Variants in UNC13C observed in about 807,000 individuals in gnomAD.
The protein encoded by UNC13C is protein unc-13 homolog C.
Under a neutral mutation model 245.4 loss-of-function variants are expected in UNC13C, and 174 were observed. That is an observed-to-expected ratio of 0.71 (90% CI 0.63 to 0.80). UNC13C has a LOEUF of 0.80. Ranked by LOEUF, UNC13C falls within the 30% of genes least tolerant of loss-of-function variation. The probability of loss-of-function intolerance (pLI) is 0.00; values close to 1 mark genes in which losing one functional copy is unlikely to be tolerated. For synonymous variants in UNC13C, 992 were observed against 895.1 expected (o/e 1.11, Z -1.93); for missense variants, 2,829 against 2,602.9 (o/e 1.09, Z -1.89).
intron 10 of UNC13C, among the ~76,000 whole-genome samples, chr15:54,289,791 G>A (rs1596153162): frequency 6.6e-6 from 1 of 151,948 alleles, no homozygotes; most frequent in Non-Finnish European, 1.5e-5. Flanking sequence ...GTACTACATA[G>A]CATCCACTGT....
At chr15:54,399,370 C>T (rs2040135034) in intron 18 of UNC13C, among the ~76,000 whole-genome samples, 1 of 151,540 alleles carries the variant, frequency 6.6e-6, no homozygotes, top group Admixed American at 6.6e-5. Context: ...GCTATATGTG[C>T]CTAAAAGTAA....
intron 2 of UNC13C, among the ~76,000 whole-genome samples, chr15:54,061,869 G>A (rs1897852800): frequency 6.6e-6 from 1 of 152,172 alleles, no homozygotes; most frequent in South Asian, 2.1e-4. Flanking sequence ...TTCTTAGCAT[G>A]GGTATGTCAG....
At position 54,494,622 on chromosome 15, in the gene UNC13C, C is replaced by A; in HGVS notation, c.4948C>A (p.Arg1650=). ...ATCTGTTATAGAACATGAAAATCAG[C>A]GGTTATGCAAGAGCACCGATTATAT... is the stretch of plus-strand genomic sequence containing the variant. ...KYALEEHENQ[R]LCKSTDYMNL... Residue 1650 remains arginine (R), a synonymous_variant, in exon 20 of 33, where the codon CGG becomes AGG. Transcript: ENST00000260323. The A allele has an allele frequency of 1.2e-6, 2 of 1,606,342 alleles. No individual in the cohort carries two copies. The highest frequency in any genetic ancestry group is 8.5e-7 in the Non-Finnish European group (1 of 1,176,696).
chr15:54,254,687 G>A (rs1041007968), intron 8 of UNC13C, among the ~76,000 whole-genome samples: 12 of 152,206 alleles, frequency 7.9e-5, no homozygotes, highest in Admixed American at 3.3e-4. Flanking sequence ...AGGATCAAGC[G>A]AATAGCGTAA....
chr15:54,615,648 T>C (rs1376487147), intron 30 of UNC13C, among the ~76,000 whole-genome samples: 3 of 152,192 alleles, frequency 2.0e-5, no homozygotes, highest in Non-Finnish European at 2.9e-5. Context: ...AAATAGATAA[T>C]GACTGTCTAC....
chr15:54,056,186 A>G (rs1301073466), intron 2 of UNC13C, among the ~76,000 whole-genome samples: 1 of 152,162 alleles, frequency 6.6e-6, no homozygotes, highest in African/African-American at 2.4e-5. Context: ...AGTTTGAACC[A>G]ATGGCAAAGA....
intron 16 of UNC13C, among the ~76,000 whole-genome samples, chr15:54,337,156 G>A (rs764688706): frequency 6.6e-6 from 1 of 152,068 alleles, no homozygotes; most frequent in Non-Finnish European, 1.5e-5. Context: ...TTGGGAGCAG[G>A]GTGGGGGGTA....
chr15:53,935,524 T>G, the UNC13C span, among the ~76,000 whole-genome samples: 1 of 152,246 alleles, frequency 6.6e-6, no homozygotes, highest in South Asian at 2.1e-4. Flanking sequence ...TTAGTACATT[T>G]TGGCCAAGAT....
intron 1 of UNC13C, among the ~76,000 whole-genome samples, chr15:53,990,399 C>T (rs918103875): frequency 2.0e-5 from 3 of 152,018 alleles, no homozygotes; most frequent in African/African-American, 7.2e-5. Context: ...TGAAGGGGCT[C>T]TTCTGTCTTG....
chr15:54,352,427 G>C (rs2039005574), intron 17 of UNC13C, among the ~76,000 whole-genome samples: 1 of 150,488 alleles, frequency 6.6e-6, no homozygotes, highest in Admixed American at 6.6e-5. Flanking sequence ...TTCATCACCA[G>C]CAACAAAATC....
chr15:54,313,127 G>T (rs1211337506), intron 13 of UNC13C, among the ~76,000 whole-genome samples: 1 of 151,692 alleles, frequency 6.6e-6, no homozygotes, highest in African/African-American at 2.4e-5. Context: ...TTTCTAAGAG[G>T]AATACTGGCC....
chr15:54,026,979 A>G (rs896637775), intron 2 of UNC13C, among the ~76,000 whole-genome samples: 4 of 152,168 alleles, frequency 2.6e-5, no homozygotes, highest in African/African-American at 7.2e-5. Context: ...AAGAAAATCC[A>G]AAGTGTTAAG....
chr15:54,569,945 A>T (rs1470314592), intron 30 of UNC13C, among the ~76,000 whole-genome samples: 2 of 151,780 alleles, frequency 1.3e-5, no homozygotes, highest in Non-Finnish European at 2.9e-5. Context: ...AGCTGCCCTC[A>T]CCAGACATGT....
chr15:54,050,004 C>T, intron 2 of UNC13C: 1 of 228,836 alleles, frequency 4.4e-6, no homozygotes, highest in South Asian at 5.7e-5. Context: ...GAGTCTCACT[C>T]TGTCTCCCAG....
At chr15:53,998,479 G>A (rs934057795) in intron 1 of UNC13C, among the ~76,000 whole-genome samples, 1 of 152,040 alleles carries the variant, frequency 6.6e-6, no homozygotes, top group Non-Finnish European at 1.5e-5. Context: ...TGTTCTGTGA[G>A]CTTGCCAAAT....
rs796334902 is a variant in UNC13C at position 54,597,661 on chromosome 15, A to G, written c.6107-24666A>G. ...TTCATAGACTGGTAACCTACACGAC[A>G]CATACTAAGAACTTAAAATATTTGA... is the stretch of plus-strand genomic sequence containing the variant. On this transcript the variant is annotated intron_variant, in intron 30 of 32. Transcript: ENST00000260323. 2.0e-5 allele frequency among the ~76,000 whole-genome samples: 3 copies of G among 152,324 alleles called. No individual in the cohort carries two copies. In the South Asian group the frequency reaches 6.2e-4, roughly 32 times the overall value.
intron 4 of UNC13C, among the ~76,000 whole-genome samples, chr15:54,157,264 T>C (rs2032788592): frequency 6.6e-6 from 1 of 152,206 alleles, no homozygotes; most frequent in Admixed American, 6.5e-5. Flanking sequence ...AACTTCGAAT[T>C]AGAAGGCCTA....
chr15:54,035,483 C>A (rs1335062395), intron 2 of UNC13C, among the ~76,000 whole-genome samples: 2 of 152,130 alleles, frequency 1.3e-5, no homozygotes, highest in Non-Finnish European at 2.9e-5. Context: ...TGACAAACTT[C>A]ATAGGAACTC....
intron 19 of UNC13C, among the ~76,000 whole-genome samples, chr15:54,443,776 G>A (rs1428728843): frequency 6.6e-6 from 1 of 151,936 alleles, no homozygotes; most frequent in East Asian, 1.9e-4. Context: ...AAGACACGAT[G>A]TCATTTTGAT....
Sources: allele counts gnomAD v4.1 joint callset (sites outside exome capture counted in the v4.1 genomes callset), GRCh38; gene constraint gnomAD v4.1.1; transcripts MANE v1.5; gene names NCBI Gene and HGNC (gene_info 2026-07-23, HGNC 2026-07-21).